MYLK4: variants seen among roughly 807,000 people sequenced by gnomAD.
MYLK4 encodes the protein caMLCK like.
A neutral mutation model predicts 48.1 loss-of-function variants in MYLK4; 46 were observed. The ratio of observed to expected loss-of-function variants is 0.96; its 90% CI spans 0.75 to 1.22. The LOEUF (loss-of-function observed/expected upper bound fraction) is 1.22. MYLK4 is among the 50% of genes most tolerant of loss of function. The pLI is 0.00. For synonymous variants in MYLK4, 170 were observed against 180.8 expected (o/e 0.94, Z 0.48); for missense variants, 451 against 486.1 (o/e 0.93, Z 0.68).
chr6:2,765,909 G>A, the MYLK4 span: 6 of 1,455,116 alleles, frequency 4.1e-6, no homozygotes, highest in Non-Finnish European at 4.5e-6. Flanking sequence ...GAGGGCGAGG[G>A]TGAGGAGGGC....
chr6:2,741,399 A>G (rs1005053173), intron 2 of MYLK4, among the ~76,000 whole-genome samples: 1 of 152,228 alleles, frequency 6.6e-6, no homozygotes, highest in African/African-American at 2.4e-5. Flanking sequence ...TCATATTAAA[A>G]CAACAGAAAT....
chr6:2,762,798 T>G, the MYLK4 span, among the ~76,000 whole-genome samples: 2 of 152,178 alleles, frequency 1.3e-5, no homozygotes, highest in Non-Finnish European at 2.9e-5. Flanking sequence ...CTGGCAGACC[T>G]TCCCGGAGAC....
intron 2 of MYLK4, among the ~76,000 whole-genome samples, chr6:2,702,595 T>C (rs1762328143): frequency 6.6e-6 from 1 of 152,144 alleles, no homozygotes. Flanking sequence ...GTGACCACAG[T>C]TGTTAATAAC....
the MYLK4 span, chr6:2,766,452 C>T: frequency 6.8e-5 from 103 of 1,510,000 alleles, no homozygotes; most frequent in Non-Finnish European, 8.8e-5. Context: ...AAGGTGAGTG[C>T]GGCCTTGGCC....
In MYLK4 at chr6:2,685,480, T is replaced by TAAC. The variant is rs1761499321; in HGVS notation, c.435+2_435+3insGTT. The TAAC allele has an allele frequency of 6.2e-7, 1 of 1,614,028 alleles. No individual in the cohort carries two copies. Among genetic ancestry groups the TAAC allele is most frequent in the Admixed American group, 1.7e-5 (1 of 60,022 alleles). ...GGAGGGGACCACCTCCCACAGGCTGTACCTTGTCCTTCATGCCTCTGGTCT... is the reference window on the plus strand; with the variant it reads ...GGAGGGGACCACCTCCCACAGGCTGTAACACCTTGTCCTTCATGCCTCTGGTCT... On this transcript the variant is annotated splice_region_variant and intron_variant, in intron 5 of 12. Coordinates refer to ENST00000274643, the MANE Select transcript of MYLK4 (RefSeq NM_001012418.5). This position sits in a 1 kb window ranked among gnomAD's most constrained non-coding sequence, Gnocchi z 4.5.
chr6:2,763,417 G>A, the MYLK4 span, among the ~76,000 whole-genome samples: 1 of 152,232 alleles, frequency 6.6e-6, no homozygotes, highest in Non-Finnish European at 1.5e-5. Context: ...CTTGGGCCGC[G>A]CAGGAGTCCC....
intron 9 of MYLK4, 65 bp from the exon 10 acceptor site, chr6:2,678,437 G>A: frequency 1.3e-6 from 2 of 1,540,982 alleles, no homozygotes; most frequent in East Asian, 2.3e-5. Context: ...CATACAGATT[G>A]CTTTTCTGGT....
rs953859499 is a variant in MYLK4 at position 2,670,449 on chromosome 6, T to C, written c.*25+827A>G. ...CGTCAACGCTGTGCAGTTACATGCA[T>C]GGAGCTGTGAAAATGGCTGTGGACT... On this transcript the variant is annotated intron_variant, in intron 12 of 12. Coordinates refer to ENST00000274643, the MANE Select transcript of MYLK4 (RefSeq NM_001012418.5). Among the ~76,000 whole-genome samples the C allele has an allele frequency of 3.9e-5, 6 of 152,260 alleles. No individual in the cohort carries two copies. The South Asian group carries it at 1.0e-3, about 26-fold the overall frequency.
chr6:2,722,944 T>C (rs1447980987), intron 2 of MYLK4, among the ~76,000 whole-genome samples: 1 of 152,206 alleles, frequency 6.6e-6, no homozygotes, highest in East Asian at 1.9e-4. Flanking sequence ...CACCTTAATA[T>C]GCATTTTTTC....
At chr6:2,679,595 A>G in intron 8 of MYLK4, 187 bp from the exon 9 acceptor site, 1 of 744,576 alleles carries the variant, frequency 1.3e-6, no homozygotes, top group Non-Finnish European at 2.3e-6. Flanking sequence ...AGAAAATTTA[A>G]AAGTCAAAAT....
At chr6:2,760,646 TC>T in the MYLK4 span, among the ~76,000 whole-genome samples, 1 of 152,096 alleles carries the variant, frequency 6.6e-6, no homozygotes, top group Non-Finnish European at 1.5e-5. Flanking sequence ...CTGTATATAC[TC>T]CTTTTTATAC....
At chr6:2,742,799 C>T (rs1341711204) in intron 2 of MYLK4, among the ~76,000 whole-genome samples, 1 of 150,912 alleles carries the variant, frequency 6.6e-6, no homozygotes, top group Non-Finnish European at 1.5e-5. Context: ...AGCACACCAG[C>T]ATGGCACATG....
At chr6:2,671,248 A>C (rs369077931) in intron 12 of MYLK4, 28 bp downstream of exon 12, 1 of 1,480,098 alleles carries the variant, frequency 6.8e-7, no homozygotes, top group African/African-American at 1.4e-5. Flanking sequence ...GCCTTCACAG[A>C]CACCTCTTCA....
At chr6:2,734,612 T>TAA (rs1388167919) in intron 2 of MYLK4, among the ~76,000 whole-genome samples, 1 of 152,180 alleles carries the variant, frequency 6.6e-6, no homozygotes, top group Non-Finnish European at 1.5e-5. Flanking sequence ...TATATATATA[T>TAA]AATATACACT....
the MYLK4 span, among the ~76,000 whole-genome samples, chr6:2,762,419 A>C: frequency 6.6e-6 from 1 of 152,228 alleles, no homozygotes; most frequent in South Asian, 2.1e-4. Flanking sequence ...CTGAAAAAAG[A>C]AATTTTAGGC....
the MYLK4 span, among the ~76,000 whole-genome samples, chr6:2,761,229 C>G: frequency 9.9e-4 from 151 of 151,988 alleles, no homozygotes; most frequent in Middle Eastern, 6.8e-3. Flanking sequence ...GATAGTTACA[C>G]ACTTAAAAGT....
chr6:2,760,368 C>T, the MYLK4 span, among the ~76,000 whole-genome samples: 1 of 152,210 alleles, frequency 6.6e-6, no homozygotes, highest in Non-Finnish European at 1.5e-5. Context: ...ACACCACCCT[C>T]CCAGCACATC....
At chr6:2,763,561 C>T in the MYLK4 span, among the ~76,000 whole-genome samples, 2 of 152,192 alleles carry the variant, frequency 1.3e-5, no homozygotes, top group East Asian at 1.9e-4. Flanking sequence ...CCGCTCCGAG[C>T]GCGAGGCTTA....
At chr6:2,763,654 A>G in the MYLK4 span, among the ~76,000 whole-genome samples, 3 of 152,144 alleles carry the variant, frequency 2.0e-5, no homozygotes, top group Non-Finnish European at 2.9e-5. Flanking sequence ...CTCTCCCACC[A>G]TACTTCCCCA....
Sources: gnomAD v4.1 joint callset for allele counts (sites outside exome capture counted in the v4.1 genomes callset) on GRCh38, gnomAD v4.1.1 for gene constraint, Gnocchi (gnomAD v3.1) non-coding constraint, MANE v1.5 for transcripts, NCBI Gene and HGNC (gene_info 2026-07-23, HGNC 2026-07-21) for gene names.